The following NPHP4 variants were observed in gnomAD, a reference collection of about 807,000 sequenced individuals.
NPHP4 encodes nephrocystin 4.
Under a neutral mutation model 155.8 loss-of-function variants are expected in NPHP4, and 151 were observed. The ratio of observed to expected loss-of-function variants is 0.97; its 90% CI spans 0.85 to 1.11. The LOEUF (loss-of-function observed/expected upper bound fraction) is 1.11. Ranked by LOEUF, NPHP4 falls within the 50% of genes least tolerant of loss-of-function variation. The pLI, the probability that NPHP4 is intolerant of heterozygous loss-of-function variation, is 0.00. For synonymous variants in NPHP4, 845 were observed against 816.8 expected, an observed-to-expected ratio of 1.03 and a Z score of -0.59; for missense variants, 1,956 against 1,925.7, an observed-to-expected ratio of 1.02 and a Z score of -0.29.
At chr1:5,973,137 G>A (rs1223098078) in intron 3 of NPHP4, among the ~76,000 whole-genome samples, 1 of 152,128 alleles carries the variant, frequency 6.6e-6, no homozygotes, top group Non-Finnish European at 1.5e-5. Flanking sequence ...CATCCACCTG[G>A]GCCTCCCAAA....
At chr1:5,931,874 A>C (rs147223707) in intron 10 of NPHP4, among the ~76,000 whole-genome samples, 1,529 of 152,244 alleles carry the variant, frequency 0.01, 17 homozygotes, top group Non-Finnish European at 0.016. Context: ...CAGGAGCTCA[A>C]GATGATCCCA....
chr1:5,961,968 T>C lies in NPHP4; in HGVS notation c.518-19A>G. 1.3e-6 allele frequency: 2 copies of C among 1,582,002 alleles called. No individual in the cohort carries two copies. Among genetic ancestry groups the C allele is most frequent in the Non-Finnish European group, 1.7e-6 (2 of 1,154,430 alleles). On this transcript the variant is annotated intron_variant, in intron 5 of 29. Transcript: ENST00000378156. Reference sequence around the variant, plus strand: ...CTGTTTTCTGGTGAAGAAAACACAATGTGATCAACTGATAGCTGAAAGCAA... The same window carrying C: ...CTGTTTTCTGGTGAAGAAAACACAACGTGATCAACTGATAGCTGAAAGCAA...
At chr1:5,968,125 T>C (rs556955202) in intron 4 of NPHP4, among the ~76,000 whole-genome samples, 29 of 151,924 alleles carry the variant, frequency 1.9e-4, no homozygotes, top group Non-Finnish European at 3.1e-4. Flanking sequence ...GCATTATCAT[T>C]ACTCCTCATA....
chr1:5,926,516 G>A (rs1349910037), intron 11 of NPHP4, among the ~76,000 whole-genome samples: 1 of 151,682 alleles, frequency 6.6e-6, no homozygotes, highest in Non-Finnish European at 1.5e-5. Flanking sequence ...TTTTTTTCTT[G>A]TCATTACTCC....
chr1:5,878,763 C>T (rs1366134636), intron 19 of NPHP4, among the ~76,000 whole-genome samples: 1 of 152,182 alleles, frequency 6.6e-6, no homozygotes, highest in Non-Finnish European at 1.5e-5. Context: ...TCCTGACCTG[C>T]TGCGCCTGGA....
At chr1:5,967,888 A>G (rs1367021876) in intron 4 of NPHP4, among the ~76,000 whole-genome samples, 1 of 152,000 alleles carries the variant, frequency 6.6e-6, no homozygotes, top group East Asian at 1.9e-4. Context: ...ATCCATTCGC[A>G]AGTCAGTGGT....
intron 11 of NPHP4, among the ~76,000 whole-genome samples, chr1:5,924,595 G>C (rs2101628967): frequency 6.6e-6 from 1 of 152,258 alleles, no homozygotes; most frequent in South Asian, 2.1e-4. Flanking sequence ...TAGTTAATTT[G>C]ATTAGAAGGT....
intron 1 of NPHP4, among the ~76,000 whole-genome samples, chr1:5,988,004 G>A (rs1174342787): frequency 2.0e-5 from 3 of 152,170 alleles, no homozygotes; most frequent in South Asian, 2.1e-4. Context: ...GTGATATAAC[G>A]TGATCTTCTA....
chr1:5,964,941 A>ATATATATATATATATATTTTTTTTTT, intron 5 of NPHP4, among the ~76,000 whole-genome samples: 1 of 59,422 alleles, frequency 1.7e-5, no homozygotes, highest in African/African-American at 8.5e-5. Context: ...ATATATATAT[A>ATATATATATATATATATTTTTTTTTT]TTTTTTTTTT....
intron 11 of NPHP4, among the ~76,000 whole-genome samples, chr1:5,916,325 G>A (rs909194513): frequency 6.6e-6 from 1 of 152,024 alleles, no homozygotes; most frequent in African/African-American, 2.4e-5. Flanking sequence ...ATCTCCAAAG[G>A]AACCATATAA....
chr1:5,877,268 G>A lies in NPHP4; in HGVS notation c.2642C>T (p.Ala881Val), dbSNP rs369335626. ...GGCAGCCAGCTCACTGTCCACGTCC[G>A]CCAGCTTCTGTGCTTGCACCACGTG... ...RKHVVQAQKL[A>V]DVDSELAAML... The change falls in exon 20 of 30, where the codon GCG (alanine) becomes GTG (valine). Residue 881 changes from alanine (A) to valine (V), a missense_variant. Physicochemically the swap from Ala to Val is moderately conservative, Grantham distance 64. Transcript: ENST00000378156. The A allele has an allele frequency of 5.4e-5, 86 of 1,601,874 alleles. No homozygotes were observed. The highest frequency in any genetic ancestry group is 1.0e-4 in the Admixed American group (6 of 59,572).
chr1:5,971,343 G>A (rs758102612), intron 3 of NPHP4, among the ~76,000 whole-genome samples: 1 of 152,234 alleles, frequency 6.6e-6, no homozygotes, highest in African/African-American at 2.4e-5. Context: ...TTAATCAGAA[G>A]AGTCAGCCGC....
chr1:5,887,594 A>G (rs1488299363), intron 17 of NPHP4, 128 bp from the exon 18 acceptor site: 1 of 948,012 alleles, frequency 1.1e-6, no homozygotes, highest in Admixed American at 2.5e-5. Context: ...TGTGCGCAGG[A>G]TAAGACCCTG....
At chr1:5,977,334 C>A (rs1173831008) in intron 3 of NPHP4, among the ~76,000 whole-genome samples, 2 of 152,086 alleles carry the variant, frequency 1.3e-5, no homozygotes, top group African/African-American at 4.8e-5. Flanking sequence ...CCCTGCTCTG[C>A]TTGAAGCAGC....
chr1:5,868,705 T>A (rs1182550787), intron 23 of NPHP4, among the ~76,000 whole-genome samples: 3 of 134,072 alleles, frequency 2.2e-5, no homozygotes, highest in African/African-American at 8.3e-5. Flanking sequence ...CATGCACGCA[T>A]GCCCCACACA....
Position 5,867,913 on chromosome 1 carries a change from C to G in NPHP4, c.3316-17G>C. On this transcript the variant is annotated splice_polypyrimidine_tract_variant and intron_variant, in intron 23 of 29. Transcript: ENST00000378156. The surrounding 1 kb of genome is among the most constrained non-coding windows in gnomAD (Gnocchi z 4.1). ...GAACAAGACCTGTGAGGAGGCCACGCTGAGTGTTGGGATGGGCACGAGGCT... is the reference window on the plus strand; with the variant it reads ...GAACAAGACCTGTGAGGAGGCCACGGTGAGTGTTGGGATGGGCACGAGGCT... 6.2e-7 allele frequency: 1 copy of G among 1,613,960 alleles called. No homozygotes were observed. The highest frequency in any genetic ancestry group is 8.5e-7 in the Non-Finnish European group (1 of 1,179,854).
intron 9 of NPHP4, among the ~76,000 whole-genome samples, chr1:5,936,005 AAAC>A (rs1397001185): frequency 1.3e-5 from 2 of 152,204 alleles, no homozygotes; most frequent in African/African-American, 4.8e-5. Flanking sequence ...ACAGGATCAA[AAAC>A]AAAATAAAGT....
chr1:5,954,225 G>C (rs1648754726), intron 6 of NPHP4, among the ~76,000 whole-genome samples: 1 of 152,160 alleles, frequency 6.6e-6, no homozygotes, highest in South Asian at 2.1e-4. Context: ...GCAACCAAAT[G>C]TTCAATAGGG....
At chr1:5,991,648 G>A (rs1656317900) in intron 1 of NPHP4, 2 of 152,248 alleles carry the variant, frequency 1.3e-5, no homozygotes, top group Non-Finnish European at 2.9e-5. Flanking sequence ...CGGGTCGGCC[G>A]GGAGGTTCCA....
Sources: allele counts gnomAD v4.1 joint callset (sites outside exome capture counted in the v4.1 genomes callset), GRCh38; gene constraint gnomAD v4.1.1; non-coding constraint Gnocchi (gnomAD v3.1); transcripts MANE v1.5; gene names NCBI Gene and HGNC (gene_info 2026-07-23, HGNC 2026-07-21).